Variants in KIAA1217 observed in about 807,000 individuals in gnomAD.
The protein encoded by KIAA1217 is KIAA1217, also known as sickle tail protein homolog.
KIAA1217 carries 88 observed loss-of-function variants against 163.9 expected under a neutral mutation model. The ratio of observed to expected loss-of-function variants is 0.54; its 90% confidence interval spans 0.45 to 0.64. The LOEUF is 0.64. KIAA1217 is among the 30% of genes least tolerant of loss of function. KIAA1217 has a pLI of 0.00. For missense variants in KIAA1217, 2,372 were observed against 2,475.0 expected, an observed-to-expected ratio of 0.96 and a Z score of 0.88; for synonymous variants, 903 against 923.1, an observed-to-expected ratio of 0.98 and a Z score of 0.39.
At chr10:23,864,419 T>C (rs1840088518) in intron 1 of KIAA1217, among the ~76,000 whole-genome samples, 1 of 152,054 alleles carries the variant, frequency 6.6e-6, no homozygotes, top group Admixed American at 6.6e-5. Context: ...TCCTTGTTTT[T>C]ATTTAATTTT....
At chr10:24,185,401 T>C (rs1282928231) in intron 2 of KIAA1217, among the ~76,000 whole-genome samples, 2 of 152,180 alleles carry the variant, frequency 1.3e-5, no homozygotes, top group East Asian at 3.8e-4. Context: ...TAACTATCTG[T>C]TATTTTGTTA....
At chr10:23,772,014 C>G (rs1283669192) in intron 1 of KIAA1217, among the ~76,000 whole-genome samples, 1 of 152,204 alleles carries the variant, frequency 6.6e-6, no homozygotes, top group East Asian at 1.9e-4. Context: ...ATGAGCCCAT[C>G]ATATTTTATG....
chr10:23,921,747 C>T (rs1440875706), intron 1 of KIAA1217, among the ~76,000 whole-genome samples: 1 of 152,152 alleles, frequency 6.6e-6, no homozygotes, highest in Admixed American at 6.5e-5. Context: ...CTTTTCAGAA[C>T]AGAAGCCCCA....
intron 1 of KIAA1217, among the ~76,000 whole-genome samples, chr10:23,856,534 C>T (rs1329011358): frequency 6.6e-6 from 1 of 152,222 alleles, no homozygotes; most frequent in East Asian, 1.9e-4. Flanking sequence ...AACCACTGCT[C>T]TCTTCAAAGC....
intron 5 of KIAA1217, among the ~76,000 whole-genome samples, chr10:24,461,911 G>A (rs1267438042): frequency 2.0e-5 from 3 of 152,068 alleles, no homozygotes; most frequent in Non-Finnish European, 2.9e-5. Flanking sequence ...ATGCATCTCT[G>A]AGGGGCATGG....
intron 1 of KIAA1217, among the ~76,000 whole-genome samples, chr10:23,867,600 A>G (rs1423979454): frequency 6.6e-6 from 1 of 152,212 alleles, no homozygotes; most frequent in African/African-American, 2.4e-5. Flanking sequence ...TGTGATGGCC[A>G]GTGATGATGA....
At chr10:24,228,811 A>G (rs1446323700) in intron 2 of KIAA1217, among the ~76,000 whole-genome samples, 1 of 152,168 alleles carries the variant, frequency 6.6e-6, no homozygotes, top group Non-Finnish European at 1.5e-5. Context: ...TTATTTTATC[A>G]ATTTTGTTAT....
At chr10:23,837,960 C>A (rs1024931887) in intron 1 of KIAA1217, among the ~76,000 whole-genome samples, 5 of 152,146 alleles carry the variant, frequency 3.3e-5, no homozygotes, top group African/African-American at 1.2e-4. Context: ...GCTTAGCCTG[C>A]ATGACCCATT....
chr10:24,213,383 A>G (rs966898645), intron 1 of KIAA1217, among the ~76,000 whole-genome samples: 21 of 152,154 alleles, frequency 1.4e-4, no homozygotes, highest in Non-Finnish European at 2.6e-4. Context: ...GTGAAGTGCT[A>G]TTAGCCCACC....
At chr10:24,515,962 T>C (rs1431925138) in intron 10 of KIAA1217, among the ~76,000 whole-genome samples, 1 of 152,204 alleles carries the variant, frequency 6.6e-6, no homozygotes, top group Non-Finnish European at 1.5e-5. Context: ...TCTCAGCTAC[T>C]CAGGAGGCTG....
At chr10:23,702,875 A>G (rs1165533725) in intron 1 of KIAA1217, among the ~76,000 whole-genome samples, 2 of 152,146 alleles carry the variant, frequency 1.3e-5, no homozygotes, top group Non-Finnish European at 2.9e-5. Context: ...CTACAGGTGC[A>G]TGCCACCTCG....
chr10:24,012,888 T>C (rs1847299529), intron 2 of KIAA1217, among the ~76,000 whole-genome samples: 1 of 152,168 alleles, frequency 6.6e-6, no homozygotes, highest in African/African-American at 2.4e-5. Context: ...GGGAGGATGA[T>C]AAATCACATC....
intron 1 of KIAA1217, among the ~76,000 whole-genome samples, chr10:23,918,488 G>A (rs571479390): frequency 3.3e-5 from 5 of 152,232 alleles, no homozygotes; most frequent in South Asian, 4.2e-4. Context: ...TTTGCATGCA[G>A]TCTGCTGCAG....
intron 2 of KIAA1217, among the ~76,000 whole-genome samples, chr10:24,312,165 C>G (rs1182042894): frequency 6.6e-6 from 1 of 152,166 alleles, no homozygotes; most frequent in Non-Finnish European, 1.5e-5. Flanking sequence ...CCTTTCAGCA[C>G]AAGGGCAGGA....
intron 3 of KIAA1217, among the ~76,000 whole-genome samples, chr10:24,399,150 G>C (rs2056218955): frequency 6.6e-6 from 1 of 152,130 alleles, no homozygotes; most frequent in Admixed American, 6.6e-5. Flanking sequence ...AGATCATATA[G>C]GTCATGTTCT....
At chr10:24,188,713 T>C (rs1408371568) in intron 2 of KIAA1217, among the ~76,000 whole-genome samples, 1 of 152,220 alleles carries the variant, frequency 6.6e-6, no homozygotes, top group Admixed American at 6.5e-5. Context: ...AGTCAGCTAT[T>C]GAAATCGTCT....
At chr10:23,959,025 C>T (rs1844700264) in intron 1 of KIAA1217, among the ~76,000 whole-genome samples, 1 of 150,596 alleles carries the variant, frequency 6.6e-6, no homozygotes, top group Non-Finnish European at 1.5e-5. Flanking sequence ...GAACCATGGG[C>T]CTGACATTGT....
At position 24,501,535 on chromosome 10, in the gene KIAA1217, G is replaced by C; in HGVS notation, c.1991G>C (p.Arg664Pro). 6.2e-7 allele frequency: 1 copy of C among 1,612,880 alleles called. No homozygotes were observed. ...CTCAGGCTCCAGCTCCAGCAGATGC[G>C]GCAGCTCCAGGTATTCCTCATGCAC... ...AELRLQLQQM[R>P]QLQLQNQELL... Residue 664 changes from arginine to proline, a missense_variant, in exon 9 of 21, where the codon CGG becomes CCG. Physicochemically the swap from Arg to Pro is moderately radical, Grantham distance 103 (BLOSUM62 -2). Transcript: ENST00000376454.
At chr10:24,436,546 C>A (rs577866573) in intron 4 of KIAA1217, among the ~76,000 whole-genome samples, 34 of 151,140 alleles carry the variant, frequency 2.2e-4, no homozygotes, top group Non-Finnish European at 4.4e-4. Flanking sequence ...ATCACGAGGT[C>A]AGGAGATCGA....
Sources: gnomAD v4.1 joint callset for allele counts (sites outside exome capture counted in the v4.1 genomes callset) on GRCh38, gnomAD v4.1.1 for gene constraint, MANE v1.5 for transcripts, NCBI Gene and HGNC (gene_info 2026-07-23, HGNC 2026-07-21) for gene names.